LRIF1: variants seen among roughly 807,000 people sequenced by gnomAD.
LRIF1 encodes the protein ligand dependent nuclear receptor interacting factor 1.
A neutral mutation model predicts 52.7 loss-of-function variants in LRIF1; 32 were observed. That is an observed-to-expected ratio of 0.61 (90% CI 0.46 to 0.82). The LOEUF is 0.82. LRIF1 is among the 40% of genes least tolerant of loss of function. The pLI is 0.00. For synonymous variants in LRIF1, 323 were observed against 317.4 expected, an observed-to-expected ratio of 1.02 and a Z score of -0.19; for missense variants, 887 against 892.0, an observed-to-expected ratio of 0.99 and a Z score of 0.07.
At chr1:110,931,490 G>GTATA in the LRIF1 span, among the ~76,000 whole-genome samples, 2 of 152,134 alleles carry the variant, frequency 1.3e-5, no homozygotes, top group Non-Finnish European at 2.9e-5. Context: ...AATCCTTTGG[G>GTATA]TATATACCCA....
At chr1:110,939,781 A>G in the LRIF1 span, 3 of 152,228 alleles carry the variant, frequency 2.0e-5, no homozygotes, top group Non-Finnish European at 4.4e-5. Flanking sequence ...AGATATCCAC[A>G]TGCAGAAGAA....
At chr1:110,897,945 A>G in the LRIF1 span, 1 of 992,980 alleles carries the variant, frequency 1.0e-6, no homozygotes, top group Non-Finnish European at 1.6e-6. Flanking sequence ...TAAGTCAGGT[A>G]AGATTTCAGA....
chr1:110,935,628 A>G, the LRIF1 span, among the ~76,000 whole-genome samples: 3 of 152,200 alleles, frequency 2.0e-5, no homozygotes, highest in Non-Finnish European at 4.4e-5. Context: ...GAGCTTAAAG[A>G]CCTGTTATTT....
chr1:110,945,332 T>C (rs1437349582), downstream of LRIF1, among the ~76,000 whole-genome samples: 1 of 152,188 alleles, frequency 6.6e-6, no homozygotes, highest in Non-Finnish European at 1.5e-5. Flanking sequence ...GTTCTAGTTT[T>C]TAATATTTTG....
At chr1:110,880,350 A>G in the LRIF1 span, 2 of 152,214 alleles carry the variant, frequency 1.3e-5, no homozygotes, top group East Asian at 1.9e-4. Flanking sequence ...AGATTTTCTT[A>G]CTCAATTTAG....
chr1:110,884,444 T>C, the LRIF1 span, among the ~76,000 whole-genome samples: 3 of 152,128 alleles, frequency 2.0e-5, no homozygotes, highest in Non-Finnish European at 4.4e-5. Flanking sequence ...TGTTCTGCTG[T>C]TGTGGGGTGG....
chr1:110,920,358 T>TA, the LRIF1 span, among the ~76,000 whole-genome samples: 4 of 151,860 alleles, frequency 2.6e-5, no homozygotes, highest in African/African-American at 7.3e-5. Flanking sequence ...TATTCAATGC[T>TA]AAAAAAAATT....
the LRIF1 span, among the ~76,000 whole-genome samples, chr1:110,877,325 G>C: frequency 6.6e-6 from 1 of 152,126 alleles, no homozygotes; most frequent in African/African-American, 2.4e-5. Flanking sequence ...ATCCCACAAA[G>C]AGTCTTGCTT....
At chr1:110,950,648 A>G (rs909432206) in intron 2 of LRIF1, among the ~76,000 whole-genome samples, 6 of 152,118 alleles carry the variant, frequency 3.9e-5, no homozygotes, top group Non-Finnish European at 7.4e-5. Flanking sequence ...TCGAACATAA[A>G]GGTAACTATG....
chr1:110,962,806 A>G (rs1184194552), intron 1 of LRIF1, among the ~76,000 whole-genome samples: 1 of 152,136 alleles, frequency 6.6e-6, no homozygotes, highest in Non-Finnish European at 1.5e-5. Flanking sequence ...TAGAGTCTGC[A>G]GACCCTATTT....
At chr1:110,894,509 T>C in the LRIF1 span, 1 of 834,070 alleles carries the variant, frequency 1.2e-6, no homozygotes, top group East Asian at 2.5e-5. Context: ...GAGATAGAAA[T>C]GAAGTGGAAG....
chr1:110,885,279 G>A, the LRIF1 span, among the ~76,000 whole-genome samples: 3 of 152,188 alleles, frequency 2.0e-5, no homozygotes, highest in African/African-American at 7.2e-5. Flanking sequence ...GGGCAGGCGC[G>A]GTGGCTCACG....
At position 110,952,311 on chromosome 1, in the gene LRIF1, A is replaced by C. The variant is rs1658517124; in HGVS notation, c.573T>G (p.Ala191=). 6.2e-7 allele frequency: 1 copy of C among 1,614,162 alleles called. No homozygotes were observed. Among genetic ancestry groups the C allele is most frequent in the Non-Finnish European group, 8.5e-7 (1 of 1,179,996 alleles). Residue 191 remains alanine, a synonymous_variant, in exon 2 of 4, where the codon GCT becomes GCG. Coordinates refer to ENST00000369763, the MANE Select transcript of LRIF1 (RefSeq NM_018372.4). ...ATGACGCTGGTACAGATTTCACTTC[A>C]GCATGGGCTGGAATCTGTAAATGAT... ...SGHHLQIPAH[A]EVKSVPASSL... is the part of the protein sequence containing the mutation.
the LRIF1 span, chr1:110,892,424 C>T: frequency 6.2e-7 from 1 of 1,613,856 alleles, no homozygotes; most frequent in South Asian, 1.1e-5. Context: ...CATAACCTCC[C>T]CTCCCTCACG....
the LRIF1 span, among the ~76,000 whole-genome samples, chr1:110,881,129 T>C: frequency 6.6e-6 from 1 of 152,068 alleles, no homozygotes; most frequent in Non-Finnish European, 1.5e-5. Flanking sequence ...TTGACGTAAG[T>C]GTACATGCAT....
Position 110,949,961 on chromosome 1 carries a change from T to C in LRIF1, c.1759A>G (p.Ile587Val). Reference protein sequence around the residue: ...TKDLRVCLTRIPDHLTSGEGF... With the variant: ...TKDLRVCLTRVPDHLTSGEGF... Reference sequence around the variant, plus strand: ...TCTCCAGAGGTCAAATGGTCAGGAATTCGAGTAAGGCACACTCTCAAATCC... The same window carrying C: ...TCTCCAGAGGTCAAATGGTCAGGAACTCGAGTAAGGCACACTCTCAAATCC... Residue 587 changes from isoleucine (I) to valine (V), a missense_variant, in exon 3 of 4, where the codon ATT (isoleucine) becomes GTT (valine). Coordinates refer to ENST00000369763, the MANE Select transcript of LRIF1 (RefSeq NM_018372.4). 3 of 1,614,090 alleles carry C rather than the reference T, an allele frequency of 1.9e-6. No individual in the cohort carries two copies. The highest frequency in any genetic ancestry group is 1.7e-6 in the Non-Finnish European group (2 of 1,180,012).
the LRIF1 span, among the ~76,000 whole-genome samples, chr1:110,876,917 T>A: frequency 6.6e-6 from 1 of 152,222 alleles, no homozygotes; most frequent in Non-Finnish European, 1.5e-5. Flanking sequence ...CAGTAATTAG[T>A]AATTTGATTG....
the LRIF1 span, chr1:110,894,517 AAGGATAG>A: frequency 1.2e-6 from 1 of 800,676 alleles, no homozygotes; most frequent in Non-Finnish European, 2.1e-6. Context: ...AATGAAGTGG[AAGGATAG>A]AGGAAACAGA....
chr1:110,908,551 A>G, the LRIF1 span, among the ~76,000 whole-genome samples: 7 of 152,358 alleles, frequency 4.6e-5, no homozygotes, highest in South Asian at 1.4e-3. Flanking sequence ...AGAGAACCAA[A>G]CTGAACTTCT....
Sources: allele counts gnomAD v4.1 joint callset (sites outside exome capture counted in the v4.1 genomes callset), GRCh38; gene constraint gnomAD v4.1.1; transcripts MANE v1.5; gene names NCBI Gene and HGNC (gene_info 2026-07-23, HGNC 2026-07-21).